Variants in MEGF9 observed in about 807,000 individuals in gnomAD.
MEGF9 encodes multiple EGF like domains 9, also known as multiple epidermal growth factor-like domains protein 9.
In MEGF9, 6 loss-of-function variants were observed where a neutral mutation model predicts 46.8. The observed-to-expected ratio is 0.13, with a 90% CI of 0.07 to 0.25. The LOEUF (loss-of-function observed/expected upper bound fraction) is 0.25, where lower values mean the gene tolerates loss of function less well. Among genes scored for constraint, MEGF9 ranks in the 10% least tolerant of loss-of-function variants. The pLI is 1.00. For synonymous variants in MEGF9, 302 were observed against 330.7 expected, an observed-to-expected ratio of 0.91 and a Z score of 0.94; for missense variants, 683 against 792.4, an observed-to-expected ratio of 0.86 and a Z score of 1.66.
At chr9:120,645,298 C>A (rs2043620713) in intron 2 of MEGF9, among the ~76,000 whole-genome samples, 1 of 152,178 alleles carries the variant, frequency 6.6e-6, no homozygotes, top group African/African-American at 2.4e-5. Flanking sequence ...TTGTTAAGAT[C>A]TAGAACCTAG....
At chr9:120,696,131 A>T (rs2043875955) in intron 1 of MEGF9, among the ~76,000 whole-genome samples, 1 of 152,180 alleles carries the variant, frequency 6.6e-6, no homozygotes, top group African/African-American at 2.4e-5. Flanking sequence ...ACTGACTATT[A>T]CCTCTAACTC....
intron 1 of MEGF9, among the ~76,000 whole-genome samples, chr9:120,668,815 T>C (rs2043736527): frequency 6.6e-6 from 1 of 152,204 alleles, no homozygotes; most frequent in East Asian, 1.9e-4. Context: ...GGAATCTGAG[T>C]ATCAGATAGA....
At chr9:120,635,727 T>G (rs960684786) in intron 2 of MEGF9, among the ~76,000 whole-genome samples, 1 of 152,202 alleles carries the variant, frequency 6.6e-6, no homozygotes, top group South Asian at 2.1e-4. Flanking sequence ...AATCCTTTTC[T>G]GATTGACTGA....
chr9:120,632,950 A>G (rs182589486), intron 2 of MEGF9, among the ~76,000 whole-genome samples: 8 of 152,252 alleles, frequency 5.3e-5, no homozygotes, highest in Admixed American at 5.2e-4. Flanking sequence ...CCACTTGATC[A>G]TGGTGTATTT....
rs184969888 is a variant in MEGF9 at position 120,685,130 on chromosome 9, G to A, written c.602-25555C>T. Among the ~76,000 whole-genome samples, 615 of 152,230 alleles carry A rather than the reference G, an allele frequency of 4.0e-3. 5 individuals carry two copies. Among genetic ancestry groups the A allele is most frequent in the African/African-American group, 0.014 (578 of 41,536 alleles). The stretch of plus-strand genomic sequence containing the variant: ...ATTACAGGCGTAAGCCACCACACCC[G>A]GCCGGGAGGCTTCATTTTTTAAATG... On this transcript the variant is annotated intron_variant, in intron 1 of 5. Coordinates refer to ENST00000373930, the MANE Select transcript of MEGF9 (RefSeq NM_001080497.3).
At chr9:120,670,044 T>A (rs907309491) in intron 1 of MEGF9, among the ~76,000 whole-genome samples, 2 of 152,184 alleles carry the variant, frequency 1.3e-5, no homozygotes, top group African/African-American at 4.8e-5. Flanking sequence ...TAGTCTAGAT[T>A]ATAGAAAAAT....
chr9:120,656,708 T>G (rs2043679055), intron 2 of MEGF9, among the ~76,000 whole-genome samples: 1 of 152,174 alleles, frequency 6.6e-6, no homozygotes, highest in Admixed American at 6.5e-5. Flanking sequence ...TTATCCTGCT[T>G]CTTAAGACAA....
At chr9:120,688,283 T>C (rs752080581) in intron 1 of MEGF9, among the ~76,000 whole-genome samples, 2 of 151,884 alleles carry the variant, frequency 1.3e-5, no homozygotes, top group African/African-American at 2.4e-5. Context: ...AAACAGAATC[T>C]CTGCCTGGGG....
rs569497029 is a variant in MEGF9 at position 120,689,638 on chromosome 9, T to C, written c.601+24120A>G. Among the ~76,000 whole-genome samples the C allele has an allele frequency of 1.4e-4, 21 of 152,298 alleles. 1 individual carries two copies. The South Asian group carries it at 3.7e-3, about 27-fold the overall frequency. ...ACCACAGGATATTTATCATTACCTGTGCACCAGATGGTAGGCTCATATCCT... is the reference window on the plus strand; with the variant it reads ...ACCACAGGATATTTATCATTACCTGCGCACCAGATGGTAGGCTCATATCCT... On this transcript the variant is annotated intron_variant, in intron 1 of 5. Transcript: ENST00000373930.
intron 2 of MEGF9, among the ~76,000 whole-genome samples, chr9:120,656,353 C>A (rs1051186011): frequency 6.6e-6 from 1 of 151,798 alleles, no homozygotes. Flanking sequence ...CCAGACCATC[C>A]TGGCTAACAC....
chr9:120,636,922 C>T (rs1409389187), intron 2 of MEGF9, among the ~76,000 whole-genome samples: 1 of 152,148 alleles, frequency 6.6e-6, no homozygotes, highest in East Asian at 1.9e-4. Flanking sequence ...GCCGCCACCC[C>T]GTCTGGGAGG....
chr9:120,696,937 T>C (rs1176755652), intron 1 of MEGF9, among the ~76,000 whole-genome samples: 1 of 152,252 alleles, frequency 6.6e-6, no homozygotes, highest in Non-Finnish European at 1.5e-5. Flanking sequence ...GTTGGATCTA[T>C]AGTTGAATAA....
chr9:120,707,113 GGAT>G (rs1024888836), intron 1 of MEGF9, among the ~76,000 whole-genome samples: 30 of 152,196 alleles, frequency 2.0e-4, no homozygotes, highest in African/African-American at 7.2e-4. Context: ...TATAAAATGA[GGAT>G]AATAATAGTA....
chr9:120,672,690 G>T (rs1271005135), intron 1 of MEGF9, among the ~76,000 whole-genome samples: 1 of 152,134 alleles, frequency 6.6e-6, no homozygotes, highest in African/African-American at 2.4e-5. Flanking sequence ...AGAAAAAAAT[G>T]TTTATTACAA....
chr9:120,712,106 A>T (rs2043956840), intron 1 of MEGF9, among the ~76,000 whole-genome samples: 1 of 152,040 alleles, frequency 6.6e-6, no homozygotes, highest in South Asian at 2.1e-4. Flanking sequence ...AAAATACAAA[A>T]AATTAGCTGG....
At chr9:120,628,836 C>T (rs1052592039) in intron 2 of MEGF9, among the ~76,000 whole-genome samples, 14 of 152,162 alleles carry the variant, frequency 9.2e-5, no homozygotes, top group African/African-American at 4.8e-5. Flanking sequence ...TAGTCCAGAA[C>T]AAGGCAGTGC....
chr9:120,704,485 A>T (rs1381099289), intron 1 of MEGF9, among the ~76,000 whole-genome samples: 1 of 152,252 alleles, frequency 6.6e-6, no homozygotes, highest in Non-Finnish European at 1.5e-5. Context: ...GAAAATATAA[A>T]GCAAACAGTC....
chr9:120,650,363 CAT>C (rs1046567966), intron 2 of MEGF9, among the ~76,000 whole-genome samples: 2 of 152,226 alleles, frequency 1.3e-5, no homozygotes, highest in African/African-American at 2.4e-5. Context: ...TTATTAAGCA[CAT>C]GTCAAAATAT....
chr9:120,612,568 TA>T, intron 3 of MEGF9, 29 bp from the exon 4 acceptor site: 3 of 1,581,372 alleles, frequency 1.9e-6, no homozygotes, highest in Non-Finnish European at 1.7e-6. Flanking sequence ...TTTTAAAAGT[TA>T]AAGATTTACC....
Sources: allele counts gnomAD v4.1 joint callset (sites outside exome capture counted in the v4.1 genomes callset), GRCh38; gene constraint gnomAD v4.1.1; transcripts MANE v1.5; gene names NCBI Gene and HGNC (gene_info 2026-07-23, HGNC 2026-07-21).